The following NOA1 variants were observed in gnomAD, a reference collection of about 807,000 sequenced individuals.
NOA1 encodes the protein nitric oxide-associated protein 1.
NOA1 carries 35 observed loss-of-function variants against 58.4 expected under a neutral mutation model. That is an observed-to-expected ratio of 0.60 (90% CI 0.46 to 0.79). NOA1 has a LOEUF of 0.79. Ranked by LOEUF, NOA1 falls within the 30% of genes least tolerant of loss-of-function variation. The pLI, the probability that NOA1 is intolerant of heterozygous loss-of-function variation, is 0.00. For missense variants in NOA1, 895 were observed against 894.6 expected, an observed-to-expected ratio of 1.00 and a Z score of -0.01; for synonymous variants, 397 against 373.4, an observed-to-expected ratio of 1.06 and a Z score of -0.73.
At chr4:56,976,387 G>C in intron 1 of NOA1, 55 bp downstream of exon 1, 1 of 1,514,922 alleles carries the variant, frequency 6.6e-7, no homozygotes, top group East Asian at 2.3e-5. Flanking sequence ...GCCTCGGCCA[G>C]GACCAGACGT....
chr4:56,967,517 C>A (rs1282926064), intron 4 of NOA1, among the ~76,000 whole-genome samples: 2 of 152,002 alleles, frequency 1.3e-5, no homozygotes, highest in Admixed American at 6.6e-5. Context: ...AAACACAAAA[C>A]CCAAGAAATG....
intron 4 of NOA1, among the ~76,000 whole-genome samples, chr4:56,967,919 GT>G (rs34091656): frequency 0.37 from 52,595 of 141,034 alleles, 9,760 homozygotes; most frequent in East Asian, 0.6. Flanking sequence ...TTTTCCCCAA[GT>G]TTTTTTTTTT....
chr4:56,963,421 G>A lies in NOA1; in HGVS notation c.*29C>T, dbSNP rs1415777229. ...AATGTATTTTGTTGTGTTCAATACA[G>A]TTAATATCTGGAGTGAACAAGGTCG... On this transcript the variant is annotated 3_prime_UTR_variant, in exon 7 of 7. Coordinates refer to ENST00000264230, the MANE Select transcript of NOA1 (RefSeq NM_032313.4). 6.5e-7 allele frequency: 1 copy of A among 1,534,776 alleles called. No individual in the cohort carries two copies. The highest frequency in any genetic ancestry group is 2.2e-5 in the East Asian group (1 of 44,520).
At chr4:56,966,088 G>A (rs947293056) in intron 5 of NOA1, among the ~76,000 whole-genome samples, 7 of 144,408 alleles carry the variant, frequency 4.8e-5, no homozygotes, top group African/African-American at 1.6e-4. Flanking sequence ...GCGCAGTAGC[G>A]CGATCTTGGC....
At chr4:56,975,838 C>T (rs1353958224) in intron 1 of NOA1, among the ~76,000 whole-genome samples, 2 of 151,702 alleles carry the variant, frequency 1.3e-5, no homozygotes, top group African/African-American at 4.9e-5. Context: ...GCACTCTAGC[C>T]TGGGCAACAG....
Position 56,977,060 on chromosome 4 carries a change from G to A in NOA1, c.526C>T (p.Arg176Trp). The change falls in exon 1 of 7, where the codon CGG becomes TGG. Residue 176 changes from arginine (R) to tryptophan (W), a missense_variant. By Grantham distance (101) the Arg-to-Trp change is moderately radical. Transcript: ENST00000264230. ...AGCCAGCAGCGCTGGCACACGGTCC[G>A]TGCCAGCCCGCCGTCTGCCTCCGCC... ...RTAEADGGLA[R>W]TVCQRCWLLS... is the part of the protein sequence containing the mutation. 1 of 1,578,472 alleles carries A rather than the reference G, an allele frequency of 6.3e-7. No individual in the cohort carries two copies. Among genetic ancestry groups the A allele is most frequent in the Non-Finnish European group, 8.6e-7 (1 of 1,167,440 alleles).
chr4:56,975,800 C>T (rs1425702459), intron 1 of NOA1, among the ~76,000 whole-genome samples: 1 of 152,160 alleles, frequency 6.6e-6, no homozygotes, highest in Non-Finnish European at 1.5e-5. Context: ...CACTGGAACC[C>T]GGGAGGCGGA....
rs756729153 is a variant in NOA1 at position 56,977,515 on chromosome 4, C to T, written c.71G>A (p.Arg24His). 1.9e-6 allele frequency: 3 copies of T among 1,613,172 alleles called. No individual in the cohort carries two copies. The highest frequency in any genetic ancestry group is 2.2e-5 in the South Asian group (2 of 91,074). Residue 24 changes from arginine to histidine, a missense_variant, in exon 1 of 7, where the codon CGC (arginine) becomes CAC (histidine). By Grantham distance (29) the Arg-to-His change is conservative. This residue lies in a region of NOA1 where 680 missense variants were observed against 656.5 expected (regional missense o/e 1.04). Transcript: ENST00000264230. ...FLRGSAPTAA[R>H]HGLREPLLER... ...CAGGAGCGGCTCCCGGAGGCCATGG[C>T]GCGCTGCCGTGGGAGCGGATCCACG...
chr4:56,974,080 A>ATCAACAACCAC, intron 1 of NOA1, 58 bp from the exon 2 acceptor site: 1 of 1,073,902 alleles, frequency 9.3e-7, no homozygotes, highest in Non-Finnish European at 1.3e-6. Flanking sequence ...AAGAAAATGA[A>ATCAACAACCAC]CATTTTTGAG....
chr4:56,975,860 A>T (rs996402355), intron 1 of NOA1, among the ~76,000 whole-genome samples: 1 of 151,718 alleles, frequency 6.6e-6, no homozygotes, highest in African/African-American at 2.4e-5. Flanking sequence ...GCAAGACAAG[A>T]CTCCGTCTCA....
At chr4:56,964,228 C>T (rs1185527233) in intron 6 of NOA1, among the ~76,000 whole-genome samples, 178 bp downstream of exon 6, 3 of 152,020 alleles carry the variant, frequency 2.0e-5, no homozygotes, top group African/African-American at 4.8e-5. Context: ...CCACCATGCC[C>T]GGCTAATTTT....
rs766172395 is a variant in NOA1 at position 56,963,564 on chromosome 4, T to C, written c.1983A>G (p.Pro661=). ...GCTGTCCTTTGATGTTAACAATATA[T>C]GGCAAGAGAGGGGGCCGGACGGTCA... ...TVLTVRPPLL[P]YIVNIKGQRI... Residue 661 remains proline (P), a synonymous_variant, in exon 7 of 7, where the codon CCA becomes CCG. Transcript: ENST00000264230. The C allele has an allele frequency of 7.4e-6, 12 of 1,613,990 alleles. No homozygotes were observed. Among genetic ancestry groups the C allele is most frequent in the East Asian group, 2.2e-5 (1 of 44,890 alleles).
chr4:56,976,624 C>T lies in NOA1; in HGVS notation c.962G>A (p.Gly321Asp). The T allele has an allele frequency of 1.2e-6, 2 of 1,614,248 alleles. No individual in the cohort carries two copies. Among genetic ancestry groups the T allele is most frequent in the Non-Finnish European group, 1.7e-6 (2 of 1,180,042 alleles). The change falls in exon 1 of 7, where the codon GGC becomes GAC. Residue 321 changes from glycine (G) to aspartate (D), a missense_variant. Coordinates refer to ENST00000264230, the MANE Select transcript of NOA1 (RefSeq NM_032313.4). ...AGAGATCAACTCTTCCACTCCATAGCCGGTCTTGGCGCTGATCAGCCGCAC... is the reference window on the plus strand; with the variant it reads ...AGAGATCAACTCTTCCACTCCATAGTCGGTCTTGGCGCTGATCAGCCGCAC... ...RDVRLISAKTGYGVEELISAL... is the reference protein window; with the variant it reads ...RDVRLISAKTDYGVEELISAL...
chr4:56,964,627 A>T, intron 5 of NOA1, 101 bp from the exon 6 acceptor site: 2 of 1,298,730 alleles, frequency 1.5e-6, no homozygotes, highest in Non-Finnish European at 2.1e-6. Context: ...GGGATCAAGA[A>T]TAAAATCCTT....
Position 56,977,222 on chromosome 4 carries a change from G to GTAGGTTTT in NOA1, c.363_364insAAAACCTA (p.Arg122LysfsTer21). ...GGGTGCCCCACGACCGGGTGCTCCCGGGACCTGGCCCGTAGGTTTTGCTGT... is the reference window on the plus strand; with the variant it reads ...GGGTGCCCCACGACCGGGTGCTCCCGTAGGTTTTGGACCTGGCCCGTAGGTTTTGCTGT... On this transcript the variant is annotated frameshift_variant, in exon 1 of 7. Coordinates refer to ENST00000264230, the MANE Select transcript of NOA1 (RefSeq NM_032313.4). LOFTEE classifies it high-confidence loss of function. The GTAGGTTTT allele has an allele frequency of 6.3e-7, 1 of 1,582,346 alleles. No homozygotes were observed. The highest frequency in any genetic ancestry group is 8.6e-7 in the Non-Finnish European group (1 of 1,166,364).
intron 4 of NOA1, among the ~76,000 whole-genome samples, chr4:56,967,296 T>C (rs571071925): frequency 9.2e-5 from 14 of 151,740 alleles, no homozygotes; most frequent in African/African-American, 2.2e-4. Context: ...GGGATGATCA[T>C]TGGAGCCCAG....
At chr4:56,967,959 C>T (rs1197326352) in intron 4 of NOA1, among the ~76,000 whole-genome samples, 1 of 151,534 alleles carries the variant, frequency 6.6e-6, no homozygotes, top group African/African-American at 2.4e-5. Flanking sequence ...GCCCCATCAC[C>T]CAGGCTGGAG....
chr4:56,976,973 C>G lies in NOA1; in HGVS notation c.613G>C (p.Val205Leu). ...CCGGGCCGCCGCAACGCGGCGCTCACCAGCTCCAGGTACTGCTCGCGGCTC... is the reference window on the plus strand; with the variant it reads ...CCGGGCCGCCGCAACGCGGCGCTCAGCAGCTCCAGGTACTGCTCGCGGCTC... ...QVSREQYLEL[V>L]SAALRRPGPS... is the part of the protein sequence containing the mutation. The change falls in exon 1 of 7, where the codon GTG (valine) becomes CTG (leucine). Residue 205 changes from valine (V) to leucine (L), a missense_variant. Val to Leu is a conservative substitution (Grantham distance 32). Transcript: ENST00000264230. 1.9e-6 allele frequency: 3 copies of G among 1,599,746 alleles called. No individual in the cohort carries two copies. Among genetic ancestry groups the G allele is most frequent in the Non-Finnish European group, 2.5e-6 (3 of 1,176,652 alleles).
chr4:56,963,356 T>A lies in NOA1; in HGVS notation c.*94A>T. On this transcript the variant is annotated 3_prime_UTR_variant, in exon 7 of 7. Transcript: ENST00000264230. ...AGAAAAAAGAAAAAAAGGGTAAGAA[T>A]GGGAGCTTTATTTATGCGTTATATG... 9.4e-7 allele frequency: 1 copy of A among 1,068,022 alleles called. No homozygotes were observed. The allele number at this position is 1,068,022 out of a possible 1,614,324, so 66.2% of individuals were successfully genotyped here.
Sources: allele counts gnomAD v4.1 joint callset (sites outside exome capture counted in the v4.1 genomes callset), GRCh38; gene constraint gnomAD v4.1.1; regional missense constraint gnomAD v4.1.1; transcripts MANE v1.5; gene names NCBI Gene and HGNC (gene_info 2026-07-23, HGNC 2026-07-21).